The following CPA6 variants were observed in gnomAD, a reference collection of about 807,000 sequenced individuals.
The protein encoded by CPA6 is carboxypeptidase B.
Under a neutral mutation model 63.3 loss-of-function variants are expected in CPA6, and 58 were observed. The ratio of observed to expected loss-of-function variants is 0.92; its 90% CI spans 0.74 to 1.14. The LOEUF (loss-of-function observed/expected upper bound fraction) is 1.14, where lower values mean the gene tolerates loss of function less well. CPA6 is among the 50% of genes most tolerant of loss of function. CPA6 has a pLI of 0.00. For missense variants in CPA6, 565 were observed against 526.6 expected, an observed-to-expected ratio of 1.07 and a Z score of -0.71; for synonymous variants, 185 against 179.0, an observed-to-expected ratio of 1.03 and a Z score of -0.27.
chr8:67,422,817 C>T (rs1809798280), intron 10 of CPA6, 126 bp from the exon 11 acceptor site: 1 of 679,832 alleles, frequency 1.5e-6, no homozygotes, highest in African/African-American at 1.8e-5. Context: ...AATGCTGTTT[C>T]AATAAGAATG....
At position 67,547,496 on chromosome 8, in the gene CPA6, T is replaced by C. The variant is rs987505306; in HGVS notation, c.193-29449A>G. Among the ~76,000 whole-genome samples the C allele has an allele frequency of 1.7e-4, 25 of 149,368 alleles. No homozygotes were observed. The East Asian group carries it at 4.8e-3, about 29-fold the overall frequency. On this transcript the variant is annotated intron_variant, in intron 2 of 10. Transcript: ENST00000297770. ...TACACTATTAACAAGTAATGAATTA[T>C]AGTCTTTTTTTTTTTTTTTTAGACA...
intron 2 of CPA6, among the ~76,000 whole-genome samples, chr8:67,588,756 C>T (rs1028052682): frequency 3.3e-5 from 5 of 152,168 alleles, no homozygotes; most frequent in African/African-American, 1.2e-4. Context: ...GTGTTTCTTA[C>T]ATTTTGTTTT....
intron 1 of CPA6, among the ~76,000 whole-genome samples, chr8:67,684,477 C>CCAT (rs1816669653): frequency 6.6e-6 from 1 of 152,160 alleles, no homozygotes; most frequent in Non-Finnish European, 1.5e-5. Flanking sequence ...ACCTCCCTTG[C>CCAT]CATCTCCCCA....
intron 2 of CPA6, among the ~76,000 whole-genome samples, chr8:67,560,160 G>GATATATATATAT (rs6150633): frequency 0.037 from 5,225 of 139,878 alleles, 268 homozygotes; most frequent in African/African-American, 0.095. Context: ...TGTATTTCCG[G>GATATATATATAT]ATATATATAT....
At chr8:67,659,065 A>T (rs1166126678) in intron 1 of CPA6, among the ~76,000 whole-genome samples, 3 of 152,356 alleles carry the variant, frequency 2.0e-5, no homozygotes, top group East Asian at 1.9e-4. Flanking sequence ...CATTCATGAA[A>T]TATAAAACTC....
chr8:67,515,910 C>T (rs545321126), intron 3 of CPA6, among the ~76,000 whole-genome samples: 16 of 152,278 alleles, frequency 1.1e-4, no homozygotes, highest in African/African-American at 3.4e-4. Context: ...TCCTCAGTAA[C>T]TCTACATTGT....
At chr8:67,500,680 A>T (rs576731658) in intron 6 of CPA6, among the ~76,000 whole-genome samples, 1 of 151,800 alleles carries the variant, frequency 6.6e-6, no homozygotes, top group South Asian at 2.1e-4. Flanking sequence ...TACATTTTAC[A>T]TTTAAATTCA....
chr8:67,571,050 C>T (rs1813473728), intron 2 of CPA6, among the ~76,000 whole-genome samples: 1 of 152,170 alleles, frequency 6.6e-6, no homozygotes, highest in Non-Finnish European at 1.5e-5. Flanking sequence ...GGTAGCGATA[C>T]TTGCTTGTAT....
intron 6 of CPA6, among the ~76,000 whole-genome samples, chr8:67,498,535 CAAAAAAAAAAAAAAA>C (rs397940852): frequency 1.5e-4 from 5 of 33,174 alleles, no homozygotes; most frequent in African/African-American, 2.9e-4. Flanking sequence ...GACTCCATCT[CAAAAAAAAAAAAAAA>C]AAAAAAAAAA....
At chr8:67,570,358 C>T (rs1044901686) in intron 2 of CPA6, among the ~76,000 whole-genome samples, 4 of 152,068 alleles carry the variant, frequency 2.6e-5, no homozygotes, top group Admixed American at 6.5e-5. Flanking sequence ...TAAATAATAA[C>T]GCTAAACATA....
intron 1 of CPA6, among the ~76,000 whole-genome samples, chr8:67,744,974 G>C (rs548323395): frequency 6.6e-6 from 1 of 152,284 alleles, no homozygotes; most frequent in South Asian, 2.1e-4. Context: ...GCAGTGCCAA[G>C]ATTCTTTGGG....
intron 1 of CPA6, among the ~76,000 whole-genome samples, chr8:67,676,789 C>T (rs889828143): frequency 3.3e-5 from 5 of 152,154 alleles, no homozygotes; most frequent in South Asian, 2.1e-4. Flanking sequence ...TATAAAAGTG[C>T]ACTGCTGTTT....
At chr8:67,674,321 A>G (rs1488041165) in intron 1 of CPA6, among the ~76,000 whole-genome samples, 1 of 152,242 alleles carries the variant, frequency 6.6e-6, no homozygotes, top group African/African-American at 2.4e-5. Context: ...TTACGACTCC[A>G]AGATTGCTTT....
At chr8:67,733,323 A>C (rs1817751094) in intron 1 of CPA6, among the ~76,000 whole-genome samples, 1 of 151,118 alleles carries the variant, frequency 6.6e-6, no homozygotes, top group Non-Finnish European at 1.5e-5. Context: ...GTGGCCTGAT[A>C]ATTTTTAGCT....
chr8:67,446,805 T>C (rs1810426803), intron 8 of CPA6, among the ~76,000 whole-genome samples: 1 of 152,174 alleles, frequency 6.6e-6, no homozygotes, highest in African/African-American at 2.4e-5. Context: ...TCTTTTTTAC[T>C]TGCATCTCCC....
At chr8:67,547,590 G>T (rs1812846348) in intron 2 of CPA6, among the ~76,000 whole-genome samples, 1 of 151,614 alleles carries the variant, frequency 6.6e-6, no homozygotes, top group South Asian at 2.1e-4. Flanking sequence ...GACCTCCCAG[G>T]GTCAAGCAAA....
intron 2 of CPA6, among the ~76,000 whole-genome samples, chr8:67,545,580 T>TTTTTTTTTTTTGG (rs750417027): frequency 8.0e-6 from 1 of 125,634 alleles, no homozygotes; most frequent in Non-Finnish European, 1.7e-5. Context: ...TTTTTTTTTT[T>TTTTTTTTTTTTGG]TTTTGAGATG....
At chr8:67,587,658 G>A (rs1285505236) in intron 2 of CPA6, among the ~76,000 whole-genome samples, 1 of 152,152 alleles carries the variant, frequency 6.6e-6, no homozygotes, top group Non-Finnish European at 1.5e-5. Flanking sequence ...AGATTTATGA[G>A]GAGAGCTGAG....
At chr8:67,550,122 G>A (rs1017657946) in intron 2 of CPA6, among the ~76,000 whole-genome samples, 1 of 152,072 alleles carries the variant, frequency 6.6e-6, no homozygotes. Context: ...CGAGGTTTAG[G>A]GTATGAATGA....
Sources: allele counts gnomAD v4.1 joint callset (sites outside exome capture counted in the v4.1 genomes callset), GRCh38; gene constraint gnomAD v4.1.1; transcripts MANE v1.5; gene names NCBI Gene and HGNC (gene_info 2026-07-23, HGNC 2026-07-21).